The following SPAG6 variants were observed in gnomAD, a reference collection of about 807,000 sequenced individuals.
The protein encoded by SPAG6 is sperm-associated antigen 6.
Under a neutral mutation model 58.5 loss-of-function variants are expected in SPAG6, and 49 were observed. The observed-to-expected ratio is 0.84, with a 90% CI of 0.67 to 1.06. The LOEUF (loss-of-function observed/expected upper bound fraction) is 1.06, where lower values mean the gene tolerates loss of function less well. Among genes scored for constraint, SPAG6 ranks in the 50% least tolerant of loss-of-function variants. The probability of loss-of-function intolerance (pLI) is 0.00; values close to 1 mark genes in which losing one functional copy is unlikely to be tolerated. For synonymous variants in SPAG6, 233 were observed against 225.6 expected (o/e 1.03, Z -0.29); for missense variants, 560 against 611.3 (o/e 0.92, Z 0.89).
In SPAG6 at chr10:22,391,793, C is replaced by G. The variant is rs775420538; in HGVS notation, c.1070C>G (p.Ala357Gly). ...EPEDHIKAAA[A>G]WALGQIGRHT... ...GAAGATCATATTAAGGCTGCAGCTG[C>G]TTGGGCCTTAGGACAGATTGGAAGA... The change falls in exon 8 of 11, where the codon GCT becomes GGT. Residue 357 changes from alanine (A) to glycine (G), a missense_variant. Coordinates refer to ENST00000376624, the MANE Select transcript of SPAG6 (RefSeq NM_012443.4). 1.2e-6 allele frequency: 2 copies of G among 1,613,468 alleles called. No homozygotes were observed. Among genetic ancestry groups the G allele is most frequent in the African/African-American group, 2.7e-5 (2 of 74,842 alleles).
intron 8 of SPAG6, among the ~76,000 whole-genome samples, chr10:22,392,147 G>A (rs777203633): frequency 6.6e-6 from 1 of 152,132 alleles, no homozygotes; most frequent in Non-Finnish European, 1.5e-5. Flanking sequence ...TAAAATGAAT[G>A]GTTAATGCAG....
chr10:22,410,957 C>A, intron 9 of SPAG6, 74 bp from the exon 10 acceptor site: 1 of 1,441,132 alleles, frequency 6.9e-7, no homozygotes, highest in Non-Finnish European at 9.4e-7. Context: ...TTCTCACATA[C>A]AGTATTGCTT....
rs767899050 is a variant in SPAG6 at position 22,411,018 on chromosome 10, T to C, written c.1315-13T>C. The C allele has an allele frequency of 6.2e-7, 1 of 1,605,808 alleles. No individual in the cohort carries two copies. The highest frequency in any genetic ancestry group is 2.2e-5 in the East Asian group (1 of 44,848). Reference sequence around the variant, plus strand: ...AAAGAAAAGCTGACATTTTATGTGCTTCACTTTGCAAGGTGCTGCCGCATG... The same window carrying C: ...AAAGAAAAGCTGACATTTTATGTGCCTCACTTTGCAAGGTGCTGCCGCATG... On this transcript the variant is annotated splice_polypyrimidine_tract_variant and intron_variant, in intron 9 of 10. Transcript: ENST00000376624.
chr10:22,407,361 T>C (rs897489587), intron 9 of SPAG6, among the ~76,000 whole-genome samples: 1 of 151,626 alleles, frequency 6.6e-6, no homozygotes, highest in African/African-American at 2.4e-5. Flanking sequence ...AGCATTTGCT[T>C]GTCTGTAAAG....
chr10:22,409,955 T>G (rs1330957229), intron 9 of SPAG6, among the ~76,000 whole-genome samples: 1 of 152,232 alleles, frequency 6.6e-6, no homozygotes, highest in Non-Finnish European at 1.5e-5. Context: ...TCTGAAACTT[T>G]AAAGTTTGCC....
intron 2 of SPAG6, among the ~76,000 whole-genome samples, chr10:22,361,593 G>A (rs903849993): frequency 2.0e-5 from 3 of 152,132 alleles, no homozygotes; most frequent in Non-Finnish European, 4.4e-5. Flanking sequence ...CTACTTAAAT[G>A]GCTGAGGCAG....
intron 4 of SPAG6, among the ~76,000 whole-genome samples, chr10:22,375,872 CG>C (rs1833804516): frequency 6.6e-6 from 1 of 152,020 alleles, no homozygotes; most frequent in African/African-American, 2.4e-5. Context: ...CCATTGTGCC[CG>C]GCCACCTCAA....
intron 4 of SPAG6, among the ~76,000 whole-genome samples, chr10:22,381,144 A>G (rs369341521): frequency 1.3e-5 from 2 of 152,230 alleles, no homozygotes; most frequent in East Asian, 3.9e-4. Flanking sequence ...TGTGACCCCA[A>G]ACATGACTTC....
chr10:22,360,545 A>T (rs1428960961), intron 2 of SPAG6, among the ~76,000 whole-genome samples: 2 of 152,022 alleles, frequency 1.3e-5, no homozygotes, highest in Non-Finnish European at 2.9e-5. Flanking sequence ...GCTATAAATT[A>T]TGTGTATGGG....
intron 4 of SPAG6, among the ~76,000 whole-genome samples, chr10:22,372,276 A>C (rs1833716616): frequency 6.6e-6 from 1 of 152,224 alleles, no homozygotes; most frequent in Non-Finnish European, 1.5e-5. Flanking sequence ...AAGGGGCACA[A>C]GTGCAGTTTT....
At chr10:22,406,225 A>G (rs1834550486) in intron 9 of SPAG6, among the ~76,000 whole-genome samples, 1 of 151,620 alleles carries the variant, frequency 6.6e-6, no homozygotes, top group Admixed American at 6.6e-5. Flanking sequence ...TTTAATTGTG[A>G]TGTTAGGGTG....
chr10:22,371,014 T>G lies in SPAG6; in HGVS notation c.472+2336T>G, dbSNP rs139169005. Among the ~76,000 whole-genome samples, 702 of 152,308 alleles carry G rather than the reference T, an allele frequency of 4.6e-3. 5 individuals are homozygous for G. Among genetic ancestry groups the G allele is most frequent in the African/African-American group, 0.016 (684 of 41,564 alleles). ...TGAGTCTGGGGCAAAATGATTATAG[T>G]TCATAAACAGGATCTGTCTTAGGGG... is the stretch of plus-strand genomic sequence containing the variant. On this transcript the variant is annotated intron_variant, in intron 4 of 10. Coordinates refer to ENST00000376624, the MANE Select transcript of SPAG6 (RefSeq NM_012443.4).
chr10:22,346,969 A>G (rs1836576566), intron 2 of SPAG6, among the ~76,000 whole-genome samples: 1 of 152,214 alleles, frequency 6.6e-6, no homozygotes, highest in Admixed American at 6.5e-5. Flanking sequence ...CTGTAGTGCA[A>G]TATCACAAGG....
At position 22,378,938 on chromosome 10, in the gene SPAG6, A is replaced by C. The variant is rs16922213; in HGVS notation, c.473-7816A>C. On this transcript the variant is annotated intron_variant, in intron 4 of 10. Coordinates refer to ENST00000376624, the MANE Select transcript of SPAG6 (RefSeq NM_012443.4). ...TTTGACTCACTTGACTTTTTAAAGG[A>C]GCCAGAATTATTTCGCCTTTAAAGC... is the stretch of plus-strand genomic sequence containing the variant. 9.5e-4 allele frequency among the ~76,000 whole-genome samples: 144 copies of C among 152,318 alleles called. 2 individuals carry two copies. The highest frequency in any genetic ancestry group is 7.6e-3 in the Admixed American group (116 of 15,300).
chr10:22,352,334 C>T (rs1277326434), intron 2 of SPAG6, among the ~76,000 whole-genome samples: 3 of 151,858 alleles, frequency 2.0e-5, no homozygotes, highest in Non-Finnish European at 4.4e-5. Context: ...ATATTAGTTT[C>T]CCATATAAAT....
rs141513366 is a variant in SPAG6, at chr10:22,389,257, T to G, written c.950T>G (p.Leu317Arg). 3.7e-6 allele frequency: 6 copies of G among 1,612,810 alleles called. No homozygotes were observed. Among genetic ancestry groups the G allele is most frequent in the Non-Finnish European group, 5.1e-6 (6 of 1,179,730 alleles). ...GNTRLPGIMM[L>R]GYVAAHSENL... ...ACACGGCTGCCTGGCATCATGATGC[T>G]TGGTTATGTAGCAGCTCATTCTGAG... The change falls in exon 7 of 11, where the codon CTT becomes CGT. Residue 317 changes from leucine (L) to arginine (R), a missense_variant. Physicochemically the swap from Leu to Arg is moderately radical, Grantham distance 102 (BLOSUM62 -2). Coordinates refer to ENST00000376624, the MANE Select transcript of SPAG6 (RefSeq NM_012443.4).
intron 8 of SPAG6, among the ~76,000 whole-genome samples, chr10:22,397,700 A>C (rs557836776): frequency 1.3e-5 from 2 of 152,328 alleles, no homozygotes; most frequent in Admixed American, 1.3e-4. Context: ...AACATCAAGC[A>C]TTAAATACAT....
At position 22,395,334 on chromosome 10, in the gene SPAG6, T is replaced by C. The variant is rs577825812; in HGVS notation, c.1197+3414T>C. ...CGAGAAACTGCCCAACTGTTTTCCA[T>C]TGTACTACCAGCAAGGTATGATGGT... On this transcript the variant is annotated intron_variant, in intron 8 of 10. Coordinates refer to ENST00000376624, the MANE Select transcript of SPAG6 (RefSeq NM_012443.4). Among the ~76,000 whole-genome samples, 3 of 152,196 alleles carry C rather than the reference T, an allele frequency of 2.0e-5. No homozygotes were observed. In the East Asian group the frequency reaches 5.8e-4, roughly 29 times the overall value.
At chr10:22,405,728 G>T (rs1304032982) in intron 9 of SPAG6, among the ~76,000 whole-genome samples, 1 of 152,024 alleles carries the variant, frequency 6.6e-6, no homozygotes, top group African/African-American at 2.4e-5. Flanking sequence ...GCTCCTCCTT[G>T]TACGTCTGGT....
Sources: gnomAD v4.1 joint callset for allele counts (sites outside exome capture counted in the v4.1 genomes callset) on GRCh38, gnomAD v4.1.1 for gene constraint, MANE v1.5 for transcripts, NCBI Gene and HGNC (gene_info 2026-07-23, HGNC 2026-07-21) for gene names.